Variants in NRCAM observed in about 807,000 individuals in gnomAD.
NRCAM encodes the protein neuronal cell adhesion molecule.
In NRCAM, 83 loss-of-function variants were observed where a neutral mutation model predicts 156.5. The ratio of observed to expected loss-of-function variants is 0.53; its 90% confidence interval spans 0.44 to 0.64. The LOEUF (loss-of-function observed/expected upper bound fraction) is 0.64, where lower values mean the gene tolerates loss of function less well. Ranked by LOEUF, NRCAM falls within the 30% of genes least tolerant of loss-of-function variation. NRCAM has a pLI of 0.00. For synonymous variants in NRCAM, 538 were observed against 563.9 expected, an observed-to-expected ratio of 0.95 and a Z score of 0.65; for missense variants, 1,417 against 1,597.3, an observed-to-expected ratio of 0.89 and a Z score of 1.92.
intron 2 of NRCAM, among the ~76,000 whole-genome samples, chr7:108,393,715 A>G (rs1456018013): frequency 6.6e-6 from 1 of 152,186 alleles, no homozygotes; most frequent in Non-Finnish European, 1.5e-5. Context: ...CTATTCAGCC[A>G]TCTTGGAACC....
intron 1 of NRCAM, among the ~76,000 whole-genome samples, chr7:108,445,583 TAC>T (rs1215106967): frequency 6.6e-6 from 1 of 152,196 alleles, no homozygotes; most frequent in Non-Finnish European, 1.5e-5. Flanking sequence ...CATCATTTGT[TAC>T]AGTCACATAC....
chr7:108,215,440 C>T (rs960784283), intron 11 of NRCAM, among the ~76,000 whole-genome samples: 5 of 151,946 alleles, frequency 3.3e-5, no homozygotes, highest in African/African-American at 7.3e-5. Flanking sequence ...TGGTCTCGAT[C>T]TCCTGACCTC....
chr7:108,157,318 A>T (rs2046107574), intron 32 of NRCAM, among the ~76,000 whole-genome samples: 1 of 152,162 alleles, frequency 6.6e-6, no homozygotes, highest in Non-Finnish European at 1.5e-5. Flanking sequence ...CTTTACCAAC[A>T]TAGCACATAT....
chr7:108,207,724 A>C, intron 12 of NRCAM, 65 bp from the exon 13 acceptor site: 1 of 1,400,692 alleles, frequency 7.1e-7, no homozygotes, highest in Non-Finnish European at 9.8e-7. Context: ...AAAAGAACAT[A>C]TTGAACTATT....
chr7:108,318,515 C>T (rs12113970), intron 2 of NRCAM, among the ~76,000 whole-genome samples: 141,262 of 152,270 alleles, frequency 0.93, 65,626 homozygotes, highest in East Asian at 1. Context: ...ATATCAGGAA[C>T]GTTCCACAGG....
At chr7:108,253,029 G>A (rs2096448951) in intron 3 of NRCAM, among the ~76,000 whole-genome samples, 2 of 152,204 alleles carry the variant, frequency 1.3e-5, no homozygotes, top group African/African-American at 4.8e-5. Context: ...GAACTTAAAG[G>A]GAAGAGTTGT....
chr7:108,405,725 A>T (rs2099805369), intron 1 of NRCAM, among the ~76,000 whole-genome samples: 1 of 152,242 alleles, frequency 6.6e-6, no homozygotes, highest in African/African-American at 2.4e-5. Context: ...CAGTATCTTT[A>T]GATATGTTTG....
At chr7:108,209,796 T>C (rs1026757683) in intron 11 of NRCAM, among the ~76,000 whole-genome samples, 191 bp from the exon 12 acceptor site, 1 of 152,242 alleles carries the variant, frequency 6.6e-6, no homozygotes, top group African/African-American at 2.4e-5. Context: ...ATCAGAACTA[T>C]ACTAATTGAT....
At chr7:108,281,383 A>AG (rs1303298575) in intron 3 of NRCAM, among the ~76,000 whole-genome samples, 5 of 152,208 alleles carry the variant, frequency 3.3e-5, no homozygotes, top group African/African-American at 1.2e-4. Flanking sequence ...CGTGTATAGT[A>AG]GGGGAGATAA....
chr7:108,337,133 C>T (rs1220679885), intron 2 of NRCAM, among the ~76,000 whole-genome samples: 1 of 151,820 alleles, frequency 6.6e-6, no homozygotes, highest in Non-Finnish European at 1.5e-5. Flanking sequence ...GCTGGGGACC[C>T]ACACCTGTAA....
chr7:108,391,573 C>T, intron 2 of NRCAM, among the ~76,000 whole-genome samples: 1 of 152,052 alleles, frequency 6.6e-6, no homozygotes, highest in Non-Finnish European at 1.5e-5. Flanking sequence ...AGCCCATTTA[C>T]ATTTAAGGTT....
chr7:108,232,890 C>G (rs2094493500), intron 6 of NRCAM, among the ~76,000 whole-genome samples: 1 of 152,044 alleles, frequency 6.6e-6, no homozygotes, highest in Admixed American at 6.6e-5. Context: ...AGTTGATAAC[C>G]TGTCTATAAA....
At chr7:108,287,695 T>G (rs1045286935) in intron 3 of NRCAM, among the ~76,000 whole-genome samples, 1 of 151,636 alleles carries the variant, frequency 6.6e-6, no homozygotes, top group African/African-American at 2.4e-5. Flanking sequence ...TGGCTATTAT[T>G]AAAAAGTCAA....
chr7:108,217,554 G>A (rs1372800153), intron 11 of NRCAM, among the ~76,000 whole-genome samples: 2 of 152,240 alleles, frequency 1.3e-5, no homozygotes, highest in Non-Finnish European at 2.9e-5. Flanking sequence ...GTCCCAGAGA[G>A]ATGGGACTTT....
chr7:108,283,790 C>G (rs557122453), intron 3 of NRCAM, among the ~76,000 whole-genome samples: 1 of 152,110 alleles, frequency 6.6e-6, no homozygotes, highest in African/African-American at 2.4e-5. Flanking sequence ...TTTCCAGCTC[C>G]CCTTACAATT....
chr7:108,408,074 ATT>A (rs1308103991), intron 1 of NRCAM, among the ~76,000 whole-genome samples: 2 of 152,208 alleles, frequency 1.3e-5, no homozygotes, highest in East Asian at 3.8e-4. Flanking sequence ...TGATTTTATC[ATT>A]TTCAACTACA....
intron 32 of NRCAM, among the ~76,000 whole-genome samples, chr7:108,158,918 T>G (rs2047125853): frequency 6.6e-6 from 1 of 152,192 alleles, no homozygotes; most frequent in Admixed American, 6.5e-5. Context: ...ATTATCAAAG[T>G]TCTGTGAGTA....
chr7:108,297,121 C>A (rs1041320512), intron 3 of NRCAM, among the ~76,000 whole-genome samples: 1 of 152,208 alleles, frequency 6.6e-6, no homozygotes, highest in Non-Finnish European at 1.5e-5. Context: ...TTCAACCCCA[C>A]AAAGCCTGTG....
chr7:108,213,139 G>A (rs761425285), intron 11 of NRCAM, among the ~76,000 whole-genome samples: 1 of 152,108 alleles, frequency 6.6e-6, no homozygotes, highest in Admixed American at 6.6e-5. Flanking sequence ...TGTATCCAGC[G>A]AAACTAAGCA....
Sources: gnomAD v4.1 joint callset for allele counts (sites outside exome capture counted in the v4.1 genomes callset) on GRCh38, gnomAD v4.1.1 for gene constraint, MANE v1.5 for transcripts, NCBI Gene and HGNC (gene_info 2026-07-23, HGNC 2026-07-21) for gene names.